Variants in CISD1 observed in about 807,000 individuals in gnomAD.
CISD1 encodes the protein CDGSH iron-sulfur domain-containing protein 1.
A neutral mutation model predicts 12.0 loss-of-function variants in CISD1; 8 were observed. The ratio of observed to expected loss-of-function variants is 0.67; its 90% CI spans 0.39 to 1.20. The LOEUF (loss-of-function observed/expected upper bound fraction) is 1.20. CISD1 is among the 50% of genes most tolerant of loss of function. The pLI, the probability that CISD1 is intolerant of heterozygous loss-of-function variation, is 0.01. For missense variants in CISD1, 107 were observed against 132.7 expected, an observed-to-expected ratio of 0.81 and a Z score of 0.95; for synonymous variants, 38 against 42.2, an observed-to-expected ratio of 0.90 and a Z score of 0.39.
intron 1 of CISD1, 52 bp downstream of exon 1, chr10:58,269,356 C>T (rs775586107): frequency 1.1e-5 from 17 of 1,550,164 alleles, no homozygotes; most frequent in Non-Finnish European, 1.5e-5. Flanking sequence ...GCGGTTGCCG[C>T]GCCCGCAGTT....
intron 1 of CISD1, among the ~76,000 whole-genome samples, chr10:58,271,098 G>GGC (rs1426915089): frequency 1.4e-5 from 2 of 148,106 alleles, no homozygotes; most frequent in Non-Finnish European, 3.0e-5. Context: ...GGAGTGCAGT[G>GGC]GCGGGATCTC....
rs924758218 is a variant in CISD1 at position 58,288,275 on chromosome 10, G to C, written c.*625G>C. On this transcript the variant is annotated 3_prime_UTR_variant, in exon 3 of 3. Coordinates refer to ENST00000333926, the MANE Select transcript of CISD1 (RefSeq NM_018464.5). ...TAACTTCCTCATATTTATCTTCACAGATATTTAATGAAGATGGATCCATTA... is the reference window on the plus strand; with the variant it reads ...TAACTTCCTCATATTTATCTTCACACATATTTAATGAAGATGGATCCATTA... The C allele has an allele frequency of 2.0e-5, 3 of 152,224 alleles. No homozygotes were observed. The highest frequency in any genetic ancestry group is 4.4e-5 in the Non-Finnish European group (3 of 67,994). 9.4% of individuals were successfully genotyped at this position (152,224 alleles called of 1,614,324 possible). A position where few individuals can be genotyped will look rare whatever the true frequency, so the allele number is the denominator to read the frequency against.
At chr10:58,277,953 TA>T (rs1269427147) in intron 2 of CISD1, among the ~76,000 whole-genome samples, 3 of 152,202 alleles carry the variant, frequency 2.0e-5, no homozygotes, top group African/African-American at 4.8e-5. Flanking sequence ...ACTTATGTGG[TA>T]AATGTCCTAT....
At chr10:58,286,222 TAAAAA>T (rs959400144) in intron 2 of CISD1, among the ~76,000 whole-genome samples, 6 of 142,370 alleles carry the variant, frequency 4.2e-5, no homozygotes, top group Non-Finnish European at 4.6e-5. Flanking sequence ...AAAAAAAAAG[TAAAAA>T]AAAGAAACAA....
At chr10:58,271,043 A>ATT (rs775206917) in intron 1 of CISD1, among the ~76,000 whole-genome samples, 1 of 128,756 alleles carries the variant, frequency 7.8e-6, no homozygotes, top group Non-Finnish European at 1.6e-5. Context: ...TGCCATGACT[A>ATT]TTTTTTTTTT....
At chr10:58,283,340 T>C (rs1308397649) in intron 2 of CISD1, among the ~76,000 whole-genome samples, 2 of 152,200 alleles carry the variant, frequency 1.3e-5, no homozygotes, top group African/African-American at 4.8e-5. Flanking sequence ...ATAGCTACTG[T>C]CTTAGGTTTA....
At chr10:58,285,316 C>A (rs1307870361) in intron 2 of CISD1, among the ~76,000 whole-genome samples, 1 of 152,158 alleles carries the variant, frequency 6.6e-6, no homozygotes, top group Non-Finnish European at 1.5e-5. Context: ...AATTTGATTA[C>A]TTTAACATTA....
At position 58,278,587 on chromosome 10, in the gene CISD1, A is replaced by C. The variant is rs141614574; in HGVS notation, c.237+1265A>C. Among the ~76,000 whole-genome samples, 1,254 of 151,700 alleles carry C rather than the reference A, an allele frequency of 8.3e-3. 8 individuals carry two copies. Among genetic ancestry groups the C allele is most frequent in the South Asian group, 0.019 (93 of 4,806 alleles). On this transcript the variant is annotated intron_variant, in intron 2 of 2. Transcript: ENST00000333926. The stretch of plus-strand genomic sequence containing the variant: ...AAAAAAATAATGTTAAAGGGCCCCC[A>C]AAAAAATCAATAAAAATGATGTATC...
Position 58,277,159 on chromosome 10 carries a change from C to T in CISD1, c.74C>T (p.Ala25Val), listed in dbSNP as rs761999574. The change falls in exon 2 of 3, where the codon GCA becomes GTA. Residue 25 changes from alanine to valine, a missense_variant. Physicochemically the swap from Ala to Val is moderately conservative, Grantham distance 64. Coordinates refer to ENST00000333926, the MANE Select transcript of CISD1 (RefSeq NM_018464.5). ...GTTACCATTGCTGCTGGGACAGCTG[C>T]AATTGGTTATCTAGCTTACAAAAGA... The part of the protein sequence containing the change: ...AAVTIAAGTA[A>V]IGYLAYKRFY... 4 of 1,612,066 alleles carry T rather than the reference C, an allele frequency of 2.5e-6. No individual in the cohort carries two copies. Among genetic ancestry groups the T allele is most frequent in the Non-Finnish European group, 8.5e-7 (1 of 1,178,998 alleles).
rs1314854520 is a variant in CISD1, at chr10:58,269,268, G to A, written c.-6G>A. On this transcript the variant is annotated 5_prime_UTR_variant, in exon 1 of 3. Coordinates refer to ENST00000333926, the MANE Select transcript of CISD1 (RefSeq NM_018464.5). The stretch of plus-strand genomic sequence containing the variant: ...CTAGTGCACACGCCTTGCAAGCGAC[G>A]GCGCCATGAGTCTGACTTCCAGTTC... 1.2e-6 allele frequency: 2 copies of A among 1,608,580 alleles called. No individual in the cohort carries two copies. Among genetic ancestry groups the A allele is most frequent in the Non-Finnish European group, 1.7e-6 (2 of 1,179,748 alleles).
At chr10:58,279,643 A>G in intron 2 of CISD1, among the ~76,000 whole-genome samples, 1 of 152,332 alleles carries the variant, frequency 6.6e-6, no homozygotes, top group Middle Eastern at 3.4e-3. Flanking sequence ...TTACTAGAAA[A>G]TAATAAAGTA....
At chr10:58,281,514 A>G (rs1426172569) in intron 2 of CISD1, among the ~76,000 whole-genome samples, 1 of 152,202 alleles carries the variant, frequency 6.6e-6, no homozygotes, top group African/African-American at 2.4e-5. Context: ...CAAGTTAACA[A>G]ATGTTGTTAT....
chr10:58,285,035 C>T (rs999908171), intron 2 of CISD1, among the ~76,000 whole-genome samples: 3 of 152,154 alleles, frequency 2.0e-5, no homozygotes, highest in East Asian at 1.9e-4. Context: ...TAATTTTTAT[C>T]GCCTCTTTCC....
chr10:58,286,324 T>C (rs755675671), intron 2 of CISD1, among the ~76,000 whole-genome samples: 2 of 152,054 alleles, frequency 1.3e-5, no homozygotes, highest in African/African-American at 4.8e-5. Context: ...ACATAGAACC[T>C]ATAAATAGGT....
At chr10:58,278,474 C>T (rs1387880137) in intron 2 of CISD1, among the ~76,000 whole-genome samples, 2 of 150,918 alleles carry the variant, frequency 1.3e-5, no homozygotes, top group African/African-American at 2.5e-5. Flanking sequence ...CTGCAGTTAG[C>T]TGTGATTGCA....
intron 2 of CISD1, among the ~76,000 whole-genome samples, chr10:58,281,337 G>A (rs1317796347): frequency 6.6e-6 from 1 of 152,222 alleles, no homozygotes; most frequent in Non-Finnish European, 1.5e-5. Flanking sequence ...AATGAGACCA[G>A]TCATTTTATT....
chr10:58,269,213 G>T lies in CISD1; in HGVS notation c.-61G>T. ...CGCCGCTGGCACCTTTACTCTCGCCGGCCGCGCGAACCCGTTTGAGCTCGG... is the reference window on the plus strand; with the variant it reads ...CGCCGCTGGCACCTTTACTCTCGCCTGCCGCGCGAACCCGTTTGAGCTCGG... On this transcript the variant is annotated 5_prime_UTR_variant, in exon 1 of 3. Transcript: ENST00000333926. 1.3e-6 allele frequency: 2 copies of T among 1,573,098 alleles called. No homozygotes were observed. The highest frequency in any genetic ancestry group is 2.2e-5 in the East Asian group (1 of 44,706).
chr10:58,278,368 G>GA (rs147742322), intron 2 of CISD1, among the ~76,000 whole-genome samples: 45 of 148,562 alleles, frequency 3.0e-4, no homozygotes, highest in East Asian at 7.9e-4. Flanking sequence ...ACCATCTGTT[G>GA]AAAAAAAAAA....
Position 58,270,038 on chromosome 10 carries a change from T to C in CISD1, c.31+734T>C, listed in dbSNP as rs568366884. 2.6e-5 allele frequency among the ~76,000 whole-genome samples: 4 copies of C among 152,366 alleles called. No individual in the cohort carries two copies. The South Asian group carries it at 8.3e-4, about 32-fold the overall frequency. ...TTCACTTTATAACCATTCTTGGTGA[T>C]GTTATAATTGTTAATATAATACTGT... On this transcript the variant is annotated intron_variant, in intron 1 of 2. Coordinates refer to ENST00000333926, the MANE Select transcript of CISD1 (RefSeq NM_018464.5).
Sources: gnomAD v4.1 joint callset for allele counts (sites outside exome capture counted in the v4.1 genomes callset) on GRCh38, gnomAD v4.1.1 for gene constraint, MANE v1.5 for transcripts, NCBI Gene and HGNC (gene_info 2026-07-23, HGNC 2026-07-21) for gene names.